The following SEC14L5 variants were observed in gnomAD, a reference collection of about 807,000 sequenced individuals.
The protein encoded by SEC14L5 is SEC14 like lipid binding 5.
Under a neutral mutation model 84.6 loss-of-function variants are expected in SEC14L5, and 96 were observed. The observed-to-expected ratio is 1.13, with a 90% confidence interval of 0.96 to 1.34. SEC14L5 has a LOEUF of 1.34. SEC14L5 is among the 40% of genes most tolerant of loss of function. SEC14L5 has a pLI of 0.00. For missense variants in SEC14L5, 1,224 were observed against 942.5 expected, an observed-to-expected ratio of 1.30 and a Z score of -3.91; for synonymous variants, 546 against 383.4, an observed-to-expected ratio of 1.42 and a Z score of -4.95.
At chr16:4,990,569 T>G (rs1489192975) in intron 4 of SEC14L5, among the ~76,000 whole-genome samples, 198 bp from the exon 5 acceptor site, 1 of 152,244 alleles carries the variant, frequency 6.6e-6, no homozygotes, top group Non-Finnish European at 1.5e-5. Flanking sequence ...GAGAAGGCTT[T>G]TTGTTCCCTG....
At position 5,015,075 on chromosome 16, in the gene SEC14L5, C is replaced by G; in HGVS notation, c.*105C>G. On this transcript the variant is annotated 3_prime_UTR_variant, in exon 16 of 16. Transcript: ENST00000251170. ...GCCTGGGACCATGTGGGCTGGAGCC[C>G]CAGGCCTAGATGCTGCCCAAGTTGG... is the stretch of plus-strand genomic sequence containing the variant. 1 of 893,268 alleles carries G rather than the reference C, an allele frequency of 1.1e-6. No homozygotes were observed. Among genetic ancestry groups the G allele is most frequent in the Non-Finnish European group, 1.7e-6 (1 of 579,728 alleles). The allele number at this position is 893,268 out of a possible 1,614,324, so 55.3% of individuals were successfully genotyped here.
chr16:4,990,168 TA>T (rs1185277262), intron 4 of SEC14L5, among the ~76,000 whole-genome samples: 13 of 140,166 alleles, frequency 9.3e-5, no homozygotes, highest in Non-Finnish European at 1.8e-4. Context: ...TTTATTTTAT[TA>T]TTTTTTTTTT....
rs1284347115 is a variant in SEC14L5, at chr16:5,000,696, A to G, written c.1012A>G (p.Thr338Ala). 6.4e-7 allele frequency: 1 copy of G among 1,552,272 alleles called. No homozygotes were observed. Among genetic ancestry groups the G allele is most frequent in the Non-Finnish European group, 8.7e-7 (1 of 1,147,496 alleles). Reference protein sequence around the residue: ...LYILRLGQMDTKGLMKAVGEE... With the variant: ...LYILRLGQMDAKGLMKAVGEE... ...CATCCTCCGCCTGGGCCAGATGGAC[A>G]CCAAAGGCTTGATGAAGGCCGTGGG... is the stretch of plus-strand genomic sequence containing the variant. The change falls in exon 9 of 16, where the codon ACC becomes GCC. Residue 338 changes from threonine (T) to alanine (A), a missense_variant. Physicochemically the swap from Thr to Ala is moderately conservative, Grantham distance 58. Coordinates refer to ENST00000251170, the MANE Select transcript of SEC14L5 (RefSeq NM_014692.2).
At chr16:4,992,703 G>C (rs1385827211) in intron 6 of SEC14L5, among the ~76,000 whole-genome samples, 1 of 152,166 alleles carries the variant, frequency 6.6e-6, no homozygotes, top group African/African-American at 2.4e-5. Context: ...AGTAATGCAT[G>C]ATCATGGTAG....
In SEC14L5 at chr16:5,007,442, GA is replaced by G. The variant is rs1568149663; in HGVS notation, c.1529del (p.Glu510GlyfsTer64). ...CACGGACCAGCTGTGGCAGTGGAGTGAGACCTACCATTCAGCCAGCGTGCTC... is the reference window on the plus strand; with the variant it reads ...CACGGACCAGCTGTGGCAGTGGAGTGGACCTACCATTCAGCCAGCGTGCTC... Reference protein sequence around the residue: ...EHTDQLWQWSETYHSASVLRG... With the variant: ...EHTDQLWQWSXTYHSASVLRG... On this transcript the variant is annotated frameshift_variant, in exon 13 of 16. Coordinates refer to ENST00000251170, the MANE Select transcript of SEC14L5 (RefSeq NM_014692.2). LOFTEE classifies it high-confidence loss of function. The G allele has an allele frequency of 6.2e-7, 1 of 1,613,898 alleles. No homozygotes were observed. The highest frequency in any genetic ancestry group is 1.7e-5 in the Admixed American group (1 of 60,016).
intron 2 of SEC14L5, chr16:4,960,654 GT>G (rs1162712011): frequency 6.6e-6 from 1 of 152,178 alleles, no homozygotes. Flanking sequence ...GACGAGCTGA[GT>G]GACTGTGGGG....
In SEC14L5 at chr16:4,959,139, G is replaced by T. The variant is rs547494893; in HGVS notation, c.-51-134G>T. 77 of 610,248 alleles carry T rather than the reference G, an allele frequency of 1.3e-4. No individual in the cohort carries two copies. In the South Asian group the frequency reaches 1.4e-3, roughly 11 times the overall value. 37.8% of individuals were successfully genotyped at this position (610,248 alleles called of 1,614,324 possible). ...GGCTTGGCCTGGAGTAATTTGGGGG[G>T]AATATCAGCCTTCTCAATTTGAAGG... On this transcript the variant is annotated intron_variant, in intron 1 of 15. Coordinates refer to ENST00000251170, the MANE Select transcript of SEC14L5 (RefSeq NM_014692.2).
intron 3 of SEC14L5, 97 bp downstream of exon 3, chr16:4,987,803 A>G: frequency 1.1e-6 from 1 of 918,876 alleles, no homozygotes; most frequent in Non-Finnish European, 1.6e-6. Flanking sequence ...GGCGGGGTCC[A>G]GGAGGTGGAG....
At chr16:4,989,825 T>A (rs1170748964) in intron 4 of SEC14L5, among the ~76,000 whole-genome samples, 1 of 151,994 alleles carries the variant, frequency 6.6e-6, no homozygotes, top group Non-Finnish European at 1.5e-5. Flanking sequence ...TGGGGCTGCT[T>A]GCGAAATGCA....
intron 6 of SEC14L5, among the ~76,000 whole-genome samples, chr16:4,995,684 T>C (rs1955601295): frequency 6.7e-6 from 1 of 149,164 alleles, no homozygotes; most frequent in Non-Finnish European, 1.5e-5. Flanking sequence ...TGGAGTGCAG[T>C]GGTGCAATCT....
intron 2 of SEC14L5, among the ~76,000 whole-genome samples, chr16:4,986,256 C>A (rs1955485858): frequency 6.6e-6 from 1 of 151,996 alleles, no homozygotes; most frequent in Admixed American, 6.6e-5. Flanking sequence ...TCTTCTGCCT[C>A]AGCTTCCCAA....
intron 12 of SEC14L5, 134 bp downstream of exon 12, chr16:5,006,182 G>T: frequency 5.8e-6 from 5 of 868,048 alleles, no homozygotes; most frequent in Non-Finnish European, 8.8e-6. Flanking sequence ...CCTAGGGCAG[G>T]TCTTGCTGGC....
intron 4 of SEC14L5, 89 bp from the exon 5 acceptor site, chr16:4,990,678 G>T (rs1955542693): frequency 7.5e-7 from 1 of 1,333,400 alleles, no homozygotes; most frequent in Non-Finnish European, 1.0e-6. Context: ...TGCAGGCTCT[G>T]CCTGGGCCCA....
intron 2 of SEC14L5, among the ~76,000 whole-genome samples, chr16:4,981,095 G>A (rs1161405020): frequency 6.6e-6 from 1 of 151,588 alleles, no homozygotes; most frequent in Non-Finnish European, 1.5e-5. Context: ...GTTTATTCTC[G>A]GCATCAAGGC....
chr16:4,986,586 A>C, intron 2 of SEC14L5, among the ~76,000 whole-genome samples: 1 of 152,298 alleles, frequency 6.6e-6, no homozygotes, highest in Middle Eastern at 3.4e-3. Context: ...GTCAACTGGG[A>C]TGTGGATATT....
rs945913554 is a variant in SEC14L5, at chr16:5,018,034, C to T, written c.*3064C>T. ...TGAATTTAGGCCAGGACTCAAACCC[C>T]AGCCTTCCTTTCACTAGCTGTGTAA... On this transcript the variant is annotated 3_prime_UTR_variant, in exon 16 of 16. Transcript: ENST00000251170. 2.0e-5 allele frequency: 3 copies of T among 152,310 alleles called. No homozygotes were observed. Among genetic ancestry groups the T allele is most frequent in the South Asian group, 2.1e-4 (1 of 4,830 alleles). 9.4% of individuals were successfully genotyped at this position (152,310 alleles called of 1,614,324 possible).
intron 2 of SEC14L5, among the ~76,000 whole-genome samples, chr16:4,966,528 C>A (rs1262023744): frequency 6.6e-6 from 1 of 152,090 alleles, no homozygotes; most frequent in Admixed American, 6.6e-5. Flanking sequence ...CCCGACTTAG[C>A]CTCCCAAAAT....
chr16:4,984,932 CA>C (rs1568122516), intron 2 of SEC14L5, among the ~76,000 whole-genome samples: 1 of 152,158 alleles, frequency 6.6e-6, no homozygotes, highest in Non-Finnish European at 1.5e-5. Flanking sequence ...ATTCTAGATG[CA>C]AATCCCCCAT....
At position 4,978,808 on chromosome 16, in the gene SEC14L5, A is replaced by G. The variant is rs571516225; in HGVS notation, c.64-8749A>G. On this transcript the variant is annotated intron_variant, in intron 2 of 15. Transcript: ENST00000251170. Reference sequence around the variant, plus strand: ...TAGTAGAGACGGGTTTCACCGCGTTAGCCAGGATGGTCTCGATCGCTTGAC... The same window carrying G: ...TAGTAGAGACGGGTTTCACCGCGTTGGCCAGGATGGTCTCGATCGCTTGAC... Among the ~76,000 whole-genome samples, 11 of 152,208 alleles carry G rather than the reference A, an allele frequency of 7.2e-5. No homozygotes were observed. In the East Asian group the frequency reaches 1.7e-3, roughly 24 times the overall value.
Sources: gnomAD v4.1 joint callset for allele counts (sites outside exome capture counted in the v4.1 genomes callset) on GRCh38, gnomAD v4.1.1 for gene constraint, MANE v1.5 for transcripts, NCBI Gene and HGNC (gene_info 2026-07-23, HGNC 2026-07-21) for gene names.